The following HEPN1 variants were observed in gnomAD, a reference collection of about 807,000 sequenced individuals.
HEPN1 encodes the protein protein HEPN1.
For missense variants in HEPN1, 97 were observed against 103.3 expected (o/e 0.94, Z 0.26); for synonymous variants, 46 against 41.2 (o/e 1.12, Z -0.45).
In HEPN1 at chr11:124,919,731, C is replaced by T. The variant is rs1203820115; in HGVS notation, c.-20C>T. Reference sequence around the variant, plus strand: ...CAGTGCCTTTGGGGCTGAGACAAAACTTGACCTGGTGTGGAGGTGATGGGT... The same window carrying T: ...CAGTGCCTTTGGGGCTGAGACAAAATTTGACCTGGTGTGGAGGTGATGGGT... On this transcript the variant is annotated 5_prime_UTR_variant, in exon 1 of 1. Coordinates refer to ENST00000408930, the Ensembl canonical transcript of HEPN1. The T allele has an allele frequency of 4.3e-6, 7 of 1,611,256 alleles. No individual in the cohort carries two copies. In the Admixed American group the frequency reaches 6.7e-5, roughly 15 times the overall value.
chr11:124,920,577 G>A, exon 1 of HEPN1: 2 of 1,245,610 alleles, frequency 1.6e-6, no homozygotes, highest in Non-Finnish European at 2.1e-6. Flanking sequence ...GATCCCCCCA[G>A]CTCAGAACAG....
chr11:124,919,834 C>T (rs1390264154), exon 1 of HEPN1: 3 of 1,614,000 alleles, frequency 1.9e-6, no homozygotes, highest in South Asian at 2.2e-5. Context: ...TGCAAGGACC[C>T]TTGGAGGCAT....
exon 1 of HEPN1, chr11:124,920,272 AT>A: frequency 1.0e-6 from 1 of 995,530 alleles, no homozygotes; most frequent in Non-Finnish European, 1.5e-6. Context: ...TATGAGTTTG[AT>A]GAGCTAAAAC....
At chr11:124,920,362 C>A (rs1565336368) in exon 1 of HEPN1, 1 of 1,538,560 alleles carries the variant, frequency 6.5e-7, no homozygotes, top group Non-Finnish European at 8.8e-7. Flanking sequence ...CCATCCATCT[C>A]TTTTATTCAT....
exon 1 of HEPN1, chr11:124,919,943 C>T: frequency 6.2e-7 from 1 of 1,613,900 alleles, no homozygotes. Context: ...CTCCTATGAA[C>T]TGTTCAATAG....
At chr11:124,920,245 G>C in exon 1 of HEPN1, 1 of 909,920 alleles carries the variant, frequency 1.1e-6, no homozygotes, top group African/African-American at 1.7e-5. Flanking sequence ...TGTTTTGTAA[G>C]GAAGCCAGGA....
At chr11:124,920,101 A>G (rs968888806) in exon 1 of HEPN1, 20 of 1,447,404 alleles carry the variant, frequency 1.4e-5, no homozygotes, top group Admixed American at 8.1e-5. Flanking sequence ...CAGGGGTTGG[A>G]TCATGTTCCC....
chr11:124,919,544 T>C lies in HEPN1; in HGVS notation c.-207T>C. ...GCCTCTTCCACCTTCTTGAGAAACT[T>C]TTCCCCTACATGCATTATCTCATTA... On this transcript the variant is annotated 5_prime_UTR_variant, in exon 1 of 1. Coordinates refer to ENST00000408930, the Ensembl canonical transcript of HEPN1. 4 of 596,528 alleles carry C rather than the reference T, an allele frequency of 6.7e-6. 1 individual carries two copies. The South Asian group carries it at 8.8e-5, about 13-fold the overall frequency. 37.0% of individuals were successfully genotyped at this position (596,528 alleles called of 1,614,324 possible). A position where few individuals can be genotyped will look rare whatever the true frequency, so the allele number is the denominator to read the frequency against.
At chr11:124,919,580 A>G in exon 1 of HEPN1, 1 of 657,984 alleles carries the variant, frequency 1.5e-6, no homozygotes, top group Non-Finnish European at 2.6e-6. Context: ...TGGATGAGGC[A>G]CCTGGGAAGT....
chr11:124,919,746 A>T (rs1409117768), exon 1 of HEPN1: 1 of 1,613,142 alleles, frequency 6.2e-7, no homozygotes, highest in Admixed American at 1.7e-5. Context: ...CCTGGTGTGG[A>T]GGTGATGGGT....
chr11:124,919,679 A>T, exon 1 of HEPN1: 5 of 1,545,228 alleles, frequency 3.2e-6, no homozygotes, highest in Admixed American at 1.7e-5. Context: ...TGTGGGGTTC[A>T]GGGCAGAGGG....
At chr11:124,919,303 T>A (rs1947091017) in exon 1 of HEPN1, 1 of 187,062 alleles carries the variant, frequency 5.3e-6, no homozygotes, top group Non-Finnish European at 1.1e-5. Flanking sequence ...TGCTGGATGC[T>A]AGTAATACAA....
chr11:124,920,670 T>C (rs1947117257), exon 1 of HEPN1: 3 of 249,942 alleles, frequency 1.2e-5, no homozygotes, highest in Non-Finnish European at 1.5e-5. Flanking sequence ...CTCTCTAATC[T>C]GAACTTGCAA....
chr11:124,919,966 G>C, exon 1 of HEPN1: 1 of 1,613,720 alleles, frequency 6.2e-7, no homozygotes, highest in Non-Finnish European at 8.5e-7. Context: ...GGTGGCATGG[G>C]CATGTCCTGG....
chr11:124,920,312 C>A, exon 1 of HEPN1: 1 of 1,348,470 alleles, frequency 7.4e-7, no homozygotes, highest in Non-Finnish European at 1.0e-6. Flanking sequence ...GTTTTCGGGC[C>A]AGGGGAGTAA....
At chr11:124,920,008 G>A (rs369205712) in exon 1 of HEPN1, 11 of 1,612,532 alleles carry the variant, frequency 6.8e-6, no homozygotes, top group Non-Finnish European at 9.3e-6. Flanking sequence ...TTATTTTGAT[G>A]TTAGTGTGAT....
exon 1 of HEPN1, chr11:124,920,509 C>A: frequency 6.8e-7 from 1 of 1,471,010 alleles, no homozygotes; most frequent in Non-Finnish European, 9.1e-7. Flanking sequence ...CGTACCCTTC[C>A]CTCACCACCT....
chr11:124,919,733 T>C, exon 1 of HEPN1: 1 of 1,611,472 alleles, frequency 6.2e-7, no homozygotes, highest in Non-Finnish European at 8.5e-7. Flanking sequence ...AGACAAAACT[T>C]GACCTGGTGT....
At chr11:124,920,546 A>G in exon 1 of HEPN1, 1 of 1,386,712 alleles carries the variant, frequency 7.2e-7, no homozygotes, top group Non-Finnish European at 9.5e-7. Flanking sequence ...CCAGGTGCCC[A>G]GGGAAGAAGG....
Sources: gnomAD v4.1 joint callset for allele counts on GRCh38, gnomAD v4.1.1 for gene constraint, MANE v1.5 for transcripts, NCBI Gene and HGNC (gene_info 2026-07-23, HGNC 2026-07-21) for gene names.